The following PRKAR1A variants were observed in gnomAD, a reference collection of about 807,000 sequenced individuals.
The protein encoded by PRKAR1A is protein kinase cAMP-dependent type I regulatory subunit alpha, also known as cAMP-dependent protein kinase type I-alpha regulatory subunit.
A neutral mutation model predicts 52.0 loss-of-function variants in PRKAR1A; 3 were observed. That is an observed-to-expected ratio of 0.06 (90% confidence interval 0.03 to 0.15). The LOEUF (loss-of-function observed/expected upper bound fraction) is 0.15, where lower values mean the gene tolerates loss of function less well. PRKAR1A is among the 10% of genes least tolerant of loss of function. PRKAR1A has a pLI of 1.00. For missense variants in PRKAR1A, 240 were observed against 477.4 expected, an observed-to-expected ratio of 0.50 and a Z score of 4.63; for synonymous variants, 188 against 168.4, an observed-to-expected ratio of 1.12 and a Z score of -0.90.
At chr17:68,546,086 T>C (rs2086543513) in intron 11 of PRKAR1A, among the ~76,000 whole-genome samples, 1 of 149,694 alleles carries the variant, frequency 6.7e-6, no homozygotes, top group African/African-American at 2.5e-5. Context: ...GGAGAATTGT[T>C]TGAACCCAGG....
At chr17:68,505,646 C>G in the PRKAR1A span, among the ~76,000 whole-genome samples, 1 of 152,078 alleles carries the variant, frequency 6.6e-6, no homozygotes, top group Admixed American at 6.6e-5. Context: ...GACCCTGACT[C>G]TACAAAAAAT....
intron 11 of PRKAR1A, chr17:68,539,323 G>A: frequency 6.2e-7 from 1 of 1,613,956 alleles, no homozygotes; most frequent in Non-Finnish European, 8.5e-7. Context: ...ATTATCTGCT[G>A]CAGGAAAACT....
chr17:68,535,394 G>A (rs188488249), downstream of PRKAR1A: 3 of 454,124 alleles, frequency 6.6e-6, no homozygotes, highest in East Asian at 1.4e-4. Flanking sequence ...TTCGTTATAG[G>A]AGGTGGCGGG....
chr17:68,457,939 G>C, the PRKAR1A span, among the ~76,000 whole-genome samples: 9 of 152,176 alleles, frequency 5.9e-5, no homozygotes, highest in Admixed American at 1.3e-4. Flanking sequence ...GTTTCAGTCC[G>C]GCAACTGCGT....
At chr17:68,544,885 A>G (rs1034005840) in intron 11 of PRKAR1A, among the ~76,000 whole-genome samples, 1 of 152,156 alleles carries the variant, frequency 6.6e-6, no homozygotes, top group African/African-American at 2.4e-5. Flanking sequence ...TTTTTGTATG[A>G]TGTAAGATAA....
intron 2 of PRKAR1A, among the ~76,000 whole-genome samples, chr17:68,517,101 A>G (rs1054787667): frequency 1.3e-5 from 2 of 152,232 alleles, no homozygotes; most frequent in African/African-American, 4.8e-5. Flanking sequence ...ATAATTATTA[A>G]AATGGTTTCT....
chr17:68,533,257 T>A lies in PRKAR1A; in HGVS notation c.*2808T>A. The A allele has an allele frequency of 9.4e-7, 1 of 1,062,584 alleles. No homozygotes were observed. Among genetic ancestry groups the A allele is most frequent in the Non-Finnish European group, 1.1e-6 (1 of 877,010 alleles). The allele number at this position is 1,062,584 out of a possible 1,614,324, so 65.8% of individuals were successfully genotyped here. A position where few individuals can be genotyped will look rare whatever the true frequency, so the allele number is the denominator to read the frequency against. ...GAGATGATTAAGTTGTATTCATTAG[T>A]GTATTGGTATTTCTTCACATCCAGT... is the stretch of plus-strand genomic sequence containing the variant. On this transcript the variant is annotated 3_prime_UTR_variant, in exon 11 of 11. Transcript: ENST00000589228.
the PRKAR1A span, chr17:68,428,182 G>A: frequency 6.6e-6 from 1 of 151,516 alleles, no homozygotes; most frequent in Non-Finnish European, 1.5e-5. Context: ...ACAGGCGTGA[G>A]TCAACATGAC....
chr17:68,422,053 GTGTA>G, the PRKAR1A span: 11 of 566,982 alleles, frequency 1.9e-5, no homozygotes, highest in African/African-American at 1.9e-4. Flanking sequence ...CTGTGTGTGT[GTGTA>G]TGTATTTATA....
At chr17:68,489,572 T>G in the PRKAR1A span, among the ~76,000 whole-genome samples, 1 of 150,488 alleles carries the variant, frequency 6.6e-6, no homozygotes, top group East Asian at 1.9e-4. Context: ...CACATACTTC[T>G]CTTTTTGAGA....
chr17:68,541,093 CAGAA>C (rs2086269205), intron 11 of PRKAR1A: 2 of 1,361,220 alleles, frequency 1.5e-6, no homozygotes, highest in Admixed American at 4.3e-5. Context: ...TTCTAAAATT[CAGAA>C]AGGCCCTGGG....
At chr17:68,415,149 G>GTA in the PRKAR1A span, among the ~76,000 whole-genome samples, 849 of 152,180 alleles carry the variant, frequency 5.6e-3, 9 homozygotes, top group African/African-American at 0.02. Flanking sequence ...TCTTTTTGAT[G>GTA]TAGGCATTTA....
At chr17:68,415,517 G>A in the PRKAR1A span, among the ~76,000 whole-genome samples, 1 of 152,316 alleles carries the variant, frequency 6.6e-6, no homozygotes, top group South Asian at 2.1e-4. Context: ...GGAATGTTCT[G>A]TATATATCTG....
the PRKAR1A span, among the ~76,000 whole-genome samples, chr17:68,435,206 C>CAAAAA: frequency 3.4e-4 from 48 of 139,224 alleles, no homozygotes; most frequent in East Asian, 8.2e-3. Flanking sequence ...GACTCCACCT[C>CAAAAA]AAAAAAAAAA....
the PRKAR1A span, among the ~76,000 whole-genome samples, chr17:68,418,848 TA>T: frequency 6.6e-6 from 1 of 152,282 alleles, no homozygotes; most frequent in East Asian, 1.9e-4. Flanking sequence ...GAGCAACTGA[TA>T]AGTTTCTATC....
At chr17:68,464,653 A>T in the PRKAR1A span, among the ~76,000 whole-genome samples, 1 of 149,122 alleles carries the variant, frequency 6.7e-6, no homozygotes. Context: ...CGCACACTGT[A>T]CTCCTGCCTG....
At chr17:68,526,746 A>G (rs532664714) in intron 7 of PRKAR1A, among the ~76,000 whole-genome samples, 25 of 152,306 alleles carry the variant, frequency 1.6e-4, no homozygotes, top group Admixed American at 1.4e-3. Flanking sequence ...AAGGGGAACA[A>G]CAAACACTGG....
rs2143391287 is a variant in PRKAR1A at position 68,530,378 on chromosome 17, C to T, written c.1075C>T (p.Leu359Phe). The T allele has an allele frequency of 6.2e-7, 1 of 1,614,142 alleles. No homozygotes were observed. Among genetic ancestry groups the T allele is most frequent in the Non-Finnish European group, 8.5e-7 (1 of 1,180,002 alleles). ...KLDRPRFERV[L>F]GPCSDILKRN... ...GGACCGACCTAGATTTGAACGTGTTCTTGGCCCATGCTCAGACATCCTCAA... is the reference window on the plus strand; with the variant it reads ...GGACCGACCTAGATTTGAACGTGTTTTTGGCCCATGCTCAGACATCCTCAA... The change falls in exon 11 of 11, where the codon CTT (leucine) becomes TTT (phenylalanine). Residue 359 changes from leucine (L) to phenylalanine (F), a missense_variant. Transcript: ENST00000589228.
the PRKAR1A span, among the ~76,000 whole-genome samples, chr17:68,438,309 G>A: frequency 1.4e-4 from 22 of 152,258 alleles, no homozygotes; most frequent in African/African-American, 4.6e-4. Flanking sequence ...GAGGCCACTC[G>A]TCCATTTCCA....
Sources: gnomAD v4.1 joint callset for allele counts (sites outside exome capture counted in the v4.1 genomes callset) on GRCh38, gnomAD v4.1.1 for gene constraint, MANE v1.5 for transcripts, NCBI Gene and HGNC (gene_info 2026-07-23, HGNC 2026-07-21) for gene names.